Variants in SHC4 observed in about 807,000 individuals in gnomAD.
The protein encoded by SHC4 is SHC-transforming protein 4.
SHC4 carries 41 observed loss-of-function variants against 69.4 expected under a neutral mutation model. The observed-to-expected ratio is 0.59, with a 90% CI of 0.46 to 0.77. The LOEUF is 0.77. Ranked by LOEUF, SHC4 falls within the 30% of genes least tolerant of loss-of-function variation. The pLI is 0.00. For missense variants in SHC4, 777 were observed against 783.8 expected, an observed-to-expected ratio of 0.99 and a Z score of 0.10; for synonymous variants, 318 against 299.3, an observed-to-expected ratio of 1.06 and a Z score of -0.64.
intron 1 of SHC4, among the ~76,000 whole-genome samples, chr15:48,951,175 T>C (rs897565411): frequency 1.3e-5 from 2 of 152,144 alleles, no homozygotes; most frequent in Admixed American, 1.3e-4. Flanking sequence ...GCTGGAGATT[T>C]CCACCTGGAT....
At chr15:48,892,053 C>T (rs1395462490) in intron 2 of SHC4, among the ~76,000 whole-genome samples, 4 of 152,058 alleles carry the variant, frequency 2.6e-5, no homozygotes, top group Non-Finnish European at 5.9e-5. Flanking sequence ...GATGGGGTTT[C>T]ACCGTGTTAG....
intron 2 of SHC4, among the ~76,000 whole-genome samples, chr15:48,906,908 A>G (rs1900414669): frequency 6.6e-6 from 1 of 152,234 alleles, no homozygotes; most frequent in African/African-American, 2.4e-5. Flanking sequence ...ATTACTGCTC[A>G]GACTCAATGA....
chr15:48,939,863 G>A (rs535242038), intron 1 of SHC4, among the ~76,000 whole-genome samples: 1 of 152,366 alleles, frequency 6.6e-6, no homozygotes, highest in South Asian at 2.1e-4. Context: ...GATGTCCTCT[G>A]CTCTGAAAGG....
At chr15:48,871,905 C>A in intron 5 of SHC4, 184 bp downstream of exon 5, 1 of 491,592 alleles carries the variant, frequency 2.0e-6, no homozygotes, top group Non-Finnish European at 3.6e-6. Context: ...AAATGTTTGC[C>A]TAAAGAAAAT....
intron 1 of SHC4, among the ~76,000 whole-genome samples, chr15:48,957,592 T>G (rs1901476127): frequency 6.6e-6 from 1 of 152,180 alleles, no homozygotes; most frequent in Admixed American, 6.5e-5. Flanking sequence ...AACACAAATT[T>G]CTATTTGCAC....
intron 9 of SHC4, among the ~76,000 whole-genome samples, chr15:48,849,099 T>A (rs897914472): frequency 6.6e-6 from 1 of 152,146 alleles, no homozygotes; most frequent in African/African-American, 2.4e-5. Flanking sequence ...TGAAGATCCT[T>A]AGGATGCTGT....
At chr15:48,958,750 T>A (rs1901493093) in intron 1 of SHC4, among the ~76,000 whole-genome samples, 1 of 152,174 alleles carries the variant, frequency 6.6e-6, no homozygotes, top group South Asian at 2.1e-4. Flanking sequence ...TAAATGAATG[T>A]CTGCTGATGG....
intron 6 of SHC4, among the ~76,000 whole-genome samples, chr15:48,866,562 T>C (rs1899563458): frequency 6.6e-6 from 1 of 152,204 alleles, no homozygotes; most frequent in African/African-American, 2.4e-5. Flanking sequence ...CAAACCAATC[T>C]GTCTAAACTC....
In SHC4 at chr15:48,914,133, T is replaced by C. The variant is rs574103631; in HGVS notation, c.656+10746A>G. Among the ~76,000 whole-genome samples the C allele has an allele frequency of 2.6e-4, 39 of 152,326 alleles. No individual in the cohort carries two copies. The South Asian group carries it at 6.2e-3, about 24-fold the overall frequency. ...GCCTTGGCCTCCCAAAGTATTGGGATTACAGACATGAGCCACCGCGCCCGG... is the reference window on the plus strand; with the variant it reads ...GCCTTGGCCTCCCAAAGTATTGGGACTACAGACATGAGCCACCGCGCCCGG... On this transcript the variant is annotated intron_variant, in intron 2 of 11. Transcript: ENST00000332408.
chr15:48,960,208 C>A (rs1243128914), intron 1 of SHC4, among the ~76,000 whole-genome samples: 1 of 152,072 alleles, frequency 6.6e-6, no homozygotes, highest in Non-Finnish European at 1.5e-5. Context: ...GGAGGCACTC[C>A]CTAGGGAAAC....
chr15:48,914,954 T>A (rs577440808), intron 2 of SHC4, among the ~76,000 whole-genome samples: 1 of 152,204 alleles, frequency 6.6e-6, no homozygotes, highest in Non-Finnish European at 1.5e-5. Context: ...TTCCTGTCTT[T>A]GGATTTGACT....
chr15:48,910,191 T>G (rs554423997), intron 2 of SHC4, among the ~76,000 whole-genome samples: 16 of 151,100 alleles, frequency 1.1e-4, no homozygotes, highest in East Asian at 3.9e-4. Flanking sequence ...GTCCTGGAGG[T>G]TTTTTTTTGT....
In SHC4 at chr15:48,858,189, G is replaced by C. The variant is rs186457419; in HGVS notation, c.947-374C>G. 3.9e-3 allele frequency among the ~76,000 whole-genome samples: 588 copies of C among 152,246 alleles called. 2 individuals are homozygous for C. The highest frequency in any genetic ancestry group is 0.014 in the African/African-American group (573 of 41,544). ...AATCTACACAGAAGGCGAAGTTTGA[G>C]GTTTCATATTTGTCATCTTTGCACG... On this transcript the variant is annotated intron_variant, in intron 6 of 11. Transcript: ENST00000332408.
chr15:48,854,380 T>C (rs1030303501), intron 8 of SHC4, among the ~76,000 whole-genome samples: 6 of 152,202 alleles, frequency 3.9e-5, no homozygotes, highest in Non-Finnish European at 7.3e-5. Flanking sequence ...TGTAAACTAG[T>C]CCAGTCACTG....
At chr15:48,942,988 T>A (rs1278458338) in intron 1 of SHC4, among the ~76,000 whole-genome samples, 1 of 152,214 alleles carries the variant, frequency 6.6e-6, no homozygotes, top group Non-Finnish European at 1.5e-5. Context: ...GCTGATAGCA[T>A]CACTTCCTTT....
At chr15:48,958,105 G>A (rs1317842789) in intron 1 of SHC4, among the ~76,000 whole-genome samples, 2 of 152,254 alleles carry the variant, frequency 1.3e-5, no homozygotes, top group Non-Finnish European at 2.9e-5. Context: ...CACGCAGTTT[G>A]TGGGACTTGT....
In SHC4 at chr15:48,833,322, C is replaced by A. The variant is rs140738522; in HGVS notation, c.1737+1447G>T. Among the ~76,000 whole-genome samples, 963 of 152,264 alleles carry A rather than the reference C, an allele frequency of 6.3e-3. 2 individuals carry two copies. Among genetic ancestry groups the A allele is most frequent in the Middle Eastern group, 0.01 (3 of 294 alleles). On this transcript the variant is annotated intron_variant, in intron 11 of 11. Coordinates refer to ENST00000332408, the MANE Select transcript of SHC4 (RefSeq NM_203349.4). Reference sequence around the variant, plus strand: ...TTCAGGAACTTGTAATCTCTTGCTCCTTCTGATGTCTGTGGCACTGCAAGT... The same window carrying A: ...TTCAGGAACTTGTAATCTCTTGCTCATTCTGATGTCTGTGGCACTGCAAGT...
At chr15:48,845,996 T>G (rs1054167696) in intron 9 of SHC4, among the ~76,000 whole-genome samples, 7 of 151,922 alleles carry the variant, frequency 4.6e-5, no homozygotes, top group Non-Finnish European at 1.5e-5. Context: ...GAAAGTGGCT[T>G]AAGTCAGTTT....
At position 48,878,328 on chromosome 15, in the gene SHC4, A is replaced by G; in HGVS notation, c.840+5920T>C. ...CGTCCCTCCCGCAGCGGGGCCCAAC[A>G]GCTCGAGGAGGAAGGCCCAATGGAG... On this transcript the variant is annotated intron_variant, in intron 4 of 11. Coordinates refer to ENST00000332408, the MANE Select transcript of SHC4 (RefSeq NM_203349.4). The G allele has an allele frequency of 6.2e-7, 1 of 1,613,608 alleles. No individual in the cohort carries two copies. The highest frequency in any genetic ancestry group is 8.5e-7 in the Non-Finnish European group (1 of 1,179,588).
Sources: allele counts gnomAD v4.1 joint callset (sites outside exome capture counted in the v4.1 genomes callset), GRCh38; gene constraint gnomAD v4.1.1; transcripts MANE v1.5; gene names NCBI Gene and HGNC (gene_info 2026-07-23, HGNC 2026-07-21).